The following LINGO2 variants were observed in gnomAD, a reference collection of about 807,000 sequenced individuals.
LINGO2 encodes leucine-rich repeat and immunoglobulin-like domain-containing nogo receptor-interacting protein 2.
In LINGO2, 14 loss-of-function variants were observed where a neutral mutation model predicts 30.6. The ratio of observed to expected loss-of-function variants is 0.46; its 90% CI spans 0.30 to 0.72. LINGO2 has a LOEUF of 0.72. LINGO2 is among the 30% of genes least tolerant of loss of function. The probability of loss-of-function intolerance (pLI) is 0.07; values close to 1 mark genes in which losing one functional copy is unlikely to be tolerated. For missense variants in LINGO2, 729 were observed against 751.7 expected (o/e 0.97, Z 0.35); for synonymous variants, 317 against 288.5 (o/e 1.10, Z -1.00).
intron 5 of LINGO2, among the ~76,000 whole-genome samples, chr9:27,980,563 A>C (rs1341795805): frequency 6.6e-6 from 1 of 151,966 alleles, no homozygotes; most frequent in East Asian, 1.9e-4. Flanking sequence ...CATGTCTTTA[A>C]ACCATCTTTA....
At chr9:29,210,684 C>T in the LINGO2 span, among the ~76,000 whole-genome samples, 1 of 152,136 alleles carries the variant, frequency 6.6e-6, no homozygotes, top group African/African-American at 2.4e-5. Flanking sequence ...TGCTTCCATT[C>T]CCACTACAGT....
intron 3 of LINGO2, among the ~76,000 whole-genome samples, chr9:28,311,086 A>G (rs868399785): frequency 2.0e-5 from 3 of 152,124 alleles, no homozygotes; most frequent in African/African-American, 7.2e-5. Context: ...AGTACAAAAG[A>G]GAGAAATTTT....
the LINGO2 span, among the ~76,000 whole-genome samples, chr9:29,014,804 G>A: frequency 6.6e-6 from 1 of 152,140 alleles, no homozygotes; most frequent in Non-Finnish European, 1.5e-5. Context: ...CTGGAATATG[G>A]GTGAATAGTA....
rs147347396 is a variant in LINGO2 at position 28,548,702 on chromosome 9, CAAAAAAAAAA to C, written c.-364-72687_-364-72678del. Among the ~76,000 whole-genome samples, 573 of 63,340 alleles carry C rather than the reference CAAAAAAAAAA, an allele frequency of 9.0e-3. 6 individuals carry two copies. The highest frequency in any genetic ancestry group is 0.038 in the African/African-American group (517 of 13,622). The allele number at this position is 63,340 out of a possible 152,430, so 41.6% of individuals were successfully genotyped here. On this transcript the variant is annotated intron_variant, in intron 1 of 5. Coordinates refer to ENST00000379992, the Ensembl canonical transcript of LINGO2. ...CTGGCAACAGAGCGAGACTCCATCT[CAAAAAAAAAA>C]AAAAAAAAAAAAAAAAAATATTTGA...
intron 1 of LINGO2, among the ~76,000 whole-genome samples, chr9:28,506,593 C>T (rs1316717174): frequency 8.3e-6 from 1 of 120,544 alleles, no homozygotes; most frequent in African/African-American, 3.2e-5. Context: ...TCATGATCTA[C>T]TTCTTTAAAA....
chr9:28,210,368 T>G (rs1379138463), intron 4 of LINGO2, among the ~76,000 whole-genome samples: 1 of 151,670 alleles, frequency 6.6e-6, no homozygotes. Context: ...TGTTCTGTTT[T>G]CTATCCTCGA....
At chr9:28,057,280 G>T (rs554823286) in intron 4 of LINGO2, among the ~76,000 whole-genome samples, 21 of 145,548 alleles carry the variant, frequency 1.4e-4, no homozygotes, top group African/African-American at 5.3e-4. Context: ...CAAAAGTAAA[G>T]TTTTTTTTTT....
At chr9:28,619,354 C>G (rs1387253922) in intron 1 of LINGO2, among the ~76,000 whole-genome samples, 1 of 152,016 alleles carries the variant, frequency 6.6e-6, no homozygotes, top group African/African-American at 2.4e-5. Flanking sequence ...AACAAAGAAG[C>G]AGTTTGGGAT....
chr9:28,778,763 T>C, the LINGO2 span, among the ~76,000 whole-genome samples: 80 of 152,138 alleles, frequency 5.3e-4, 1 homozygote, highest in Admixed American at 5.2e-3. Flanking sequence ...GATAAGTAAC[T>C]CTCTGATAGC....
At chr9:29,056,079 T>G in the LINGO2 span, among the ~76,000 whole-genome samples, 1 of 151,968 alleles carries the variant, frequency 6.6e-6, no homozygotes, top group Non-Finnish European at 1.5e-5. Context: ...TAAACATTCA[T>G]GTGCAAGTAT....
chr9:28,630,915 G>T (rs1024146472), intron 1 of LINGO2, among the ~76,000 whole-genome samples: 1 of 151,362 alleles, frequency 6.6e-6, no homozygotes, highest in Admixed American at 6.6e-5. Flanking sequence ...TAGCCCCATG[G>T]AGAGCATAAA....
intron 4 of LINGO2, among the ~76,000 whole-genome samples, chr9:28,020,531 AAAAAC>A (rs138914532): frequency 0.031 from 4,631 of 148,648 alleles, 186 homozygotes; most frequent in African/African-American, 0.093. Flanking sequence ...TCTGTCTTAT[AAAAAC>A]AAAACAAAAC....
chr9:28,157,802 C>T (rs967216714), intron 4 of LINGO2, among the ~76,000 whole-genome samples: 5 of 152,128 alleles, frequency 3.3e-5, no homozygotes, highest in East Asian at 1.9e-4. Flanking sequence ...AAAATGCCAC[C>T]GGTCTCAGGG....
intron 1 of LINGO2, among the ~76,000 whole-genome samples, chr9:28,667,644 T>C (rs1828855729): frequency 6.6e-6 from 1 of 152,142 alleles, no homozygotes. Context: ...CTCAGGGGAC[T>C]GAGGCATGAG....
intron 5 of LINGO2, among the ~76,000 whole-genome samples, chr9:27,957,595 T>G (rs1056830574): frequency 6.6e-6 from 1 of 152,168 alleles, no homozygotes; most frequent in African/African-American, 2.4e-5. Flanking sequence ...ACCCGGCCAC[T>G]GTAGCTTTTT....
the LINGO2 span, among the ~76,000 whole-genome samples, chr9:29,068,674 C>T: frequency 2.0e-5 from 3 of 151,724 alleles, no homozygotes; most frequent in Admixed American, 6.6e-5. Context: ...TATGAAAGAT[C>T]GCTTAGTTAA....
At chr9:29,176,486 T>C in the LINGO2 span, among the ~76,000 whole-genome samples, 25,685 of 152,158 alleles carry the variant, frequency 0.17, 2,310 homozygotes, top group East Asian at 0.38. Flanking sequence ...ACACTCACAG[T>C]TGGGCTAAGA....
chr9:28,806,246 T>C, the LINGO2 span, among the ~76,000 whole-genome samples: 26 of 152,328 alleles, frequency 1.7e-4, no homozygotes, highest in East Asian at 4.8e-3. Context: ...TTATGCCTGA[T>C]TAATTAGCAA....
intron 1 of LINGO2, among the ~76,000 whole-genome samples, chr9:28,602,404 G>A (rs80055401): frequency 0.055 from 8,414 of 152,190 alleles, 250 homozygotes; most frequent in Middle Eastern, 0.078. Context: ...CAAGGACCAT[G>A]AGTGGATAGA....
Sources: allele counts gnomAD v4.1 joint callset (sites outside exome capture counted in the v4.1 genomes callset), GRCh38; gene constraint gnomAD v4.1.1; transcripts MANE v1.5; gene names NCBI Gene and HGNC (gene_info 2026-07-23, HGNC 2026-07-21).